The following USP6NL variants were observed in gnomAD, a reference collection of about 807,000 sequenced individuals.
USP6NL encodes USP6 N-terminal-like protein.
In USP6NL, 26 loss-of-function variants were observed where a neutral mutation model predicts 61.9. That is an observed-to-expected ratio of 0.42 (90% confidence interval 0.31 to 0.58). The LOEUF (loss-of-function observed/expected upper bound fraction) is 0.58. Among genes scored for constraint, USP6NL ranks in the 20% least tolerant of loss-of-function variants. The pLI, the probability that USP6NL is intolerant of heterozygous loss-of-function variation, is 0.16. For synonymous variants in USP6NL, 432 were observed against 390.1 expected (o/e 1.11, Z -1.27); for missense variants, 1,114 against 1,034.3 (o/e 1.08, Z -1.06).
chr10:11,588,023 G>A, intron 2 of USP6NL, among the ~76,000 whole-genome samples: 1 of 152,190 alleles, frequency 6.6e-6, no homozygotes. Context: ...CTTGAAGGCA[G>A]GCTTCCTGAC....
intron 3 of USP6NL, 47 bp downstream of exon 3, chr10:11,527,453 G>T: frequency 6.6e-7 from 1 of 1,518,088 alleles, no homozygotes; most frequent in South Asian, 1.2e-5. Context: ...CTATTTATAT[G>T]GTTTTTCTAA....
Position 11,548,093 on chromosome 10 carries a change from C to T in USP6NL, c.5-20526G>A, listed in dbSNP as rs1055314245. On this transcript the variant is annotated intron_variant, in intron 2 of 14. Transcript: ENST00000609104. This position sits in a 1 kb window ranked among gnomAD's most constrained non-coding sequence, Gnocchi z 4.3. ...CAGAAATGAAAATCTCACAAGTCAG[C>T]CCATTCCAGCTTGAAGTGTTCTAAT... Among the ~76,000 whole-genome samples the T allele has an allele frequency of 2.0e-5, 3 of 152,122 alleles. No individual in the cohort carries two copies. Among genetic ancestry groups the T allele is most frequent in the Non-Finnish European group, 2.9e-5 (2 of 68,006 alleles).
chr10:11,495,744 T>C lies in USP6NL; in HGVS notation c.385-2516A>G, dbSNP rs1292876739. 1.3e-5 allele frequency among the ~76,000 whole-genome samples: 2 copies of C among 152,248 alleles called. No individual in the cohort carries two copies. The highest frequency in any genetic ancestry group is 2.9e-5 in the Non-Finnish European group (2 of 68,036). Reference sequence around the variant, plus strand: ...GTTTTTTAGATTCTCTTCTTTACACTATAATCTGTTTCTTACAAGCTGCTT... The same window carrying C: ...GTTTTTTAGATTCTCTTCTTTACACCATAATCTGTTTCTTACAAGCTGCTT... On this transcript the variant is annotated intron_variant, in intron 7 of 14. Coordinates refer to ENST00000609104, the MANE Select transcript of USP6NL (RefSeq NM_014688.5). This position sits in a 1 kb window ranked among gnomAD's most constrained non-coding sequence, Gnocchi z 4.6.
At chr10:11,568,174 T>TGTGTGTGC (rs568672733) in intron 2 of USP6NL, among the ~76,000 whole-genome samples, 43 of 135,228 alleles carry the variant, frequency 3.2e-4, no homozygotes, top group East Asian at 5.6e-4. Flanking sequence ...TGTGTGTGTG[T>TGTGTGTGC]GCGCGCGCGC....
At position 11,463,555 on chromosome 10, in the gene USP6NL, T is replaced by C. The variant is rs1231618597; in HGVS notation, c.1373A>G (p.Gln458Arg). ...GTGATTATATTGCCTGGAACTGTCC[T>C]GTGGACCCGATGGGAGTTTTCTTTG... ...DFQRKLPSGP[Q>R]DSSRQYNHAA... Residue 458 changes from glutamine (Q) to arginine (R), a missense_variant, in exon 15 of 15, where the codon CAG (glutamine) becomes CGG (arginine). Transcript: ENST00000609104. This position sits in a 1 kb window ranked among gnomAD's most constrained non-coding sequence, Gnocchi z 6.3. 2 of 1,613,958 alleles carry C rather than the reference T, an allele frequency of 1.2e-6. No homozygotes were observed. Among genetic ancestry groups the C allele is most frequent in the African/African-American group, 1.3e-5 (1 of 74,950 alleles).
At chr10:11,543,768 T>C (rs893224232) in intron 2 of USP6NL, among the ~76,000 whole-genome samples, 1 of 147,762 alleles carries the variant, frequency 6.8e-6, no homozygotes, top group Non-Finnish European at 1.5e-5. Context: ...AGGCTCCAGG[T>C]AACATCTTGT....
Position 11,562,705 on chromosome 10 carries a change from T to C in USP6NL, c.4+34926A>G, listed in dbSNP as rs1360993272. The C allele has an allele frequency of 1.2e-5, 12 of 985,498 alleles. No homozygotes were observed. The highest frequency in any genetic ancestry group is 1.4e-5 in the Non-Finnish European group (12 of 829,942). 61.0% of individuals were successfully genotyped at this position (985,498 alleles called of 1,614,324 possible). On this transcript the variant is annotated intron_variant, in intron 2 of 14. Coordinates refer to ENST00000609104, the MANE Select transcript of USP6NL (RefSeq NM_014688.5). The surrounding 1 kb of genome is among the most constrained non-coding windows in gnomAD (Gnocchi z 4.8). ...GTATTTCTGTAACTTGTCTATTTTA[T>C]CTGCCAAATTTTCACTTGTTTCTTG...
rs919464785 is a variant in USP6NL at position 11,495,462 on chromosome 10, GAA to G, written c.385-2236_385-2235del. ...CCCTCCATTCCCATTTTCTTTTTCT[GAA>G]ACTCTTATTATTACAGTCTGGGAAC... On this transcript the variant is annotated intron_variant, in intron 7 of 14. Coordinates refer to ENST00000609104, the MANE Select transcript of USP6NL (RefSeq NM_014688.5). This position sits in a 1 kb window ranked among gnomAD's most constrained non-coding sequence, Gnocchi z 4.6. 6.6e-5 allele frequency among the ~76,000 whole-genome samples: 10 copies of G among 152,114 alleles called. No homozygotes were observed. The highest frequency in any genetic ancestry group is 1.3e-4 in the Admixed American group (2 of 15,268).
intron 2 of USP6NL, among the ~76,000 whole-genome samples, chr10:11,534,223 T>C (rs58470734): frequency 0.12 from 18,096 of 152,280 alleles, 1,674 homozygotes; most frequent in East Asian, 0.46. Flanking sequence ...GCTCTGCCCA[T>C]TGGCTATCCA....
At position 11,591,854 on chromosome 10, in the gene USP6NL, C is replaced by T. The variant is rs186648497; in HGVS notation, c.4+5777G>A. Among the ~76,000 whole-genome samples the T allele has an allele frequency of 4.5e-3, 684 of 152,124 alleles. 4 individuals carry two copies. Among genetic ancestry groups the T allele is most frequent in the Non-Finnish European group, 6.8e-3 (464 of 67,966 alleles). On this transcript the variant is annotated intron_variant, in intron 2 of 14. Transcript: ENST00000609104. The surrounding 1 kb of genome is among the most constrained non-coding windows in gnomAD (Gnocchi z 4.7). Reference sequence around the variant, plus strand: ...TATATTAAATTCATATTTAATTTCCCATAGTATCAAACCAAGAATTACTCT... The same window carrying T: ...TATATTAAATTCATATTTAATTTCCTATAGTATCAAACCAAGAATTACTCT...
chr10:11,485,675 C>A lies in USP6NL; in HGVS notation c.759+142G>T. 1 of 599,806 alleles carries A rather than the reference C, an allele frequency of 1.7e-6. No homozygotes were observed. The highest frequency in any genetic ancestry group is 2.8e-6 in the Non-Finnish European group (1 of 353,440). 37.2% of individuals were successfully genotyped at this position (599,806 alleles called of 1,614,324 possible). ...TTTTACAAATCTAATGGTTTGTAAACAACTGGGAATTATAACTGCATAGTA... is the reference window on the plus strand; with the variant it reads ...TTTTACAAATCTAATGGTTTGTAAAAAACTGGGAATTATAACTGCATAGTA... On this transcript the variant is annotated intron_variant, in intron 11 of 14. Coordinates refer to ENST00000609104, the MANE Select transcript of USP6NL (RefSeq NM_014688.5). This position sits in a 1 kb window ranked among gnomAD's most constrained non-coding sequence, Gnocchi z 4.8.
At chr10:11,560,167 T>C (rs1019646044) in intron 2 of USP6NL, among the ~76,000 whole-genome samples, 1 of 152,246 alleles carries the variant, frequency 6.6e-6, no homozygotes, top group African/African-American at 2.4e-5. Context: ...CATTGTCTTC[T>C]ATAATAACAG....
intron 2 of USP6NL, chr10:11,573,547 A>C (rs2133579417): frequency 2.5e-6 from 1 of 398,614 alleles, no homozygotes; most frequent in South Asian, 1.3e-4. Flanking sequence ...CCTTGGGTCC[A>C]TACTTAGCAA....
At chr10:11,526,305 C>T (rs978039281) in intron 3 of USP6NL, among the ~76,000 whole-genome samples, 7 of 152,156 alleles carry the variant, frequency 4.6e-5, no homozygotes, top group African/African-American at 1.4e-4. Flanking sequence ...CTTGTGGACA[C>T]CTCCATCTGT....
chr10:11,466,450 T>G (rs993787157), intron 14 of USP6NL, among the ~76,000 whole-genome samples: 7 of 152,234 alleles, frequency 4.6e-5, no homozygotes, highest in Non-Finnish European at 8.8e-5. Flanking sequence ...GACCTGAATT[T>G]GAATCTGCCA....
chr10:11,494,563 C>T (rs996351080), intron 7 of USP6NL, among the ~76,000 whole-genome samples: 10 of 152,248 alleles, frequency 6.6e-5, no homozygotes, highest in East Asian at 5.8e-4. Flanking sequence ...ACTACCAATG[C>T]GCGGAGCCCA....
In USP6NL at chr10:11,611,455, C is replaced by A; in HGVS notation, c.-96G>T. On this transcript the variant is annotated 5_prime_UTR_variant, in exon 1 of 15. Coordinates refer to ENST00000609104, the MANE Select transcript of USP6NL (RefSeq NM_014688.5). The surrounding 1 kb of genome is among the most constrained non-coding windows in gnomAD (Gnocchi z 5.3). ...GAATGGAAGTTACCTCAGTACGGTCCCGACTGCTAGGCTGTGGGCAGCGGA... is the reference window on the plus strand; with the variant it reads ...GAATGGAAGTTACCTCAGTACGGTCACGACTGCTAGGCTGTGGGCAGCGGA... 6.5e-6 allele frequency: 1 copy of A among 153,834 alleles called. No homozygotes were observed. The highest frequency in any genetic ancestry group is 1.8e-4 in the South Asian group (1 of 5,422). 9.5% of individuals were successfully genotyped at this position (153,834 alleles called of 1,614,324 possible).
At chr10:11,544,631 G>A (rs1048417006) in intron 2 of USP6NL, among the ~76,000 whole-genome samples, 3 of 152,118 alleles carry the variant, frequency 2.0e-5, no homozygotes, top group African/African-American at 7.2e-5. Context: ...GGGATTACAG[G>A]TGCCTGCCAC....
chr10:11,495,645 G>A lies in USP6NL; in HGVS notation c.385-2417C>T, dbSNP rs1229292116. ...TATTCATAAGCTCTGTTGTTTTTGA[G>A]TGTTCCTTTTTATAGCATTCTATAC... On this transcript the variant is annotated intron_variant, in intron 7 of 14. Transcript: ENST00000609104. This position sits in a 1 kb window ranked among gnomAD's most constrained non-coding sequence, Gnocchi z 4.6. Among the ~76,000 whole-genome samples, 1 of 152,036 alleles carries A rather than the reference G, an allele frequency of 6.6e-6. No individual in the cohort carries two copies. The highest frequency in any genetic ancestry group is 1.5e-5 in the Non-Finnish European group (1 of 68,002).
Sources: allele counts gnomAD v4.1 joint callset (sites outside exome capture counted in the v4.1 genomes callset), GRCh38; gene constraint gnomAD v4.1.1; non-coding constraint Gnocchi (gnomAD v3.1); transcripts MANE v1.5; gene names NCBI Gene and HGNC (gene_info 2026-07-23, HGNC 2026-07-21).